Variants in TRIM2 observed in about 807,000 individuals in gnomAD.
TRIM2 encodes the protein tripartite motif containing 2.
A neutral mutation model predicts 75.2 loss-of-function variants in TRIM2; 20 were observed. That is an observed-to-expected ratio of 0.27 (90% CI 0.19 to 0.39). The LOEUF (loss-of-function observed/expected upper bound fraction) is 0.39. Among genes scored for constraint, TRIM2 ranks in the 10% least tolerant of loss-of-function variants. The probability of loss-of-function intolerance (pLI) is 1.00; values close to 1 mark genes in which losing one functional copy is unlikely to be tolerated. For synonymous variants in TRIM2, 373 were observed against 388.3 expected, an observed-to-expected ratio of 0.96 and a Z score of 0.46; for missense variants, 660 against 990.8, an observed-to-expected ratio of 0.67 and a Z score of 4.48.
At chr4:153,167,950 G>T (rs540748129) in intron 1 of TRIM2, among the ~76,000 whole-genome samples, 2 of 152,180 alleles carry the variant, frequency 1.3e-5, no homozygotes, top group African/African-American at 2.4e-5. Flanking sequence ...ACACATAAGT[G>T]TTGGATAACA....
chr4:153,277,560 G>C (rs1758307851), intron 3 of TRIM2, among the ~76,000 whole-genome samples: 1 of 152,210 alleles, frequency 6.6e-6, no homozygotes, highest in Admixed American at 6.5e-5. Context: ...GAACAAATTT[G>C]CCAGACACCG....
intron 1 of TRIM2, among the ~76,000 whole-genome samples, chr4:153,169,077 CAA>C (rs138961034): frequency 6.8e-6 from 1 of 147,924 alleles, no homozygotes. Flanking sequence ...AGACTTATCT[CAA>C]AAAAAAAAGT....
intron 1 of TRIM2, among the ~76,000 whole-genome samples, chr4:153,239,834 CTTTTTTTT>C (rs372940429): frequency 3.4e-5 from 4 of 117,668 alleles, no homozygotes; most frequent in Admixed American, 1.9e-4. Flanking sequence ...CTTTCTTTCT[CTTTTTTTT>C]TTTTTTTTTT....
chr4:153,196,174 C>G (rs987597264), intron 1 of TRIM2, among the ~76,000 whole-genome samples: 1 of 152,140 alleles, frequency 6.6e-6, no homozygotes, highest in African/African-American at 2.4e-5. Context: ...ACCTGTAATC[C>G]CAGCACGTCG....
chr4:153,252,651 A>G (rs1403567413), intron 1 of TRIM2, among the ~76,000 whole-genome samples: 3 of 152,146 alleles, frequency 2.0e-5, no homozygotes, highest in African/African-American at 2.4e-5. Context: ...CTGGGATCAC[A>G]GGCACCTGCC....
At chr4:153,251,357 A>G (rs552276874) in intron 1 of TRIM2, among the ~76,000 whole-genome samples, 36 of 152,348 alleles carry the variant, frequency 2.4e-4, no homozygotes, top group African/African-American at 8.2e-4. Flanking sequence ...TTTGAGGGCC[A>G]CACCTGGAGT....
intron 3 of TRIM2, among the ~76,000 whole-genome samples, chr4:153,286,809 C>T (rs1298533178): frequency 1.4e-5 from 2 of 143,562 alleles, no homozygotes; most frequent in African/African-American, 5.1e-5. Context: ...GTCAGTCTAA[C>T]TAAAGTTTTA....
chr4:153,162,783 A>G (rs1325572955), intron 1 of TRIM2, among the ~76,000 whole-genome samples: 2 of 152,146 alleles, frequency 1.3e-5, no homozygotes, highest in African/African-American at 4.8e-5. Flanking sequence ...TAATAGGAAG[A>G]GCTCTTCTTT....
chr4:153,158,707 T>C (rs924324011), intron 1 of TRIM2, among the ~76,000 whole-genome samples: 2 of 151,990 alleles, frequency 1.3e-5, no homozygotes, highest in Admixed American at 6.6e-5. Flanking sequence ...GGATAGCCTG[T>C]TCTACACCAA....
At chr4:153,316,562 T>C (rs372627339) in intron 8 of TRIM2, among the ~76,000 whole-genome samples, 72 of 152,054 alleles carry the variant, frequency 4.7e-4, no homozygotes, top group African/African-American at 1.5e-3. Flanking sequence ...CATACGTACA[T>C]AATATGGGAC....
intron 1 of TRIM2, chr4:153,257,845 C>T: frequency 2.9e-6 from 1 of 341,636 alleles, no homozygotes; most frequent in Non-Finnish European, 5.8e-6. Context: ...GTTCTTTTTT[C>T]TCCCTTCATC....
chr4:153,296,605 G>A (rs2150148948), intron 6 of TRIM2, among the ~76,000 whole-genome samples: 1 of 152,304 alleles, frequency 6.6e-6, no homozygotes, highest in East Asian at 1.9e-4. Flanking sequence ...GAGGAGGGGT[G>A]GAAACTTGGA....
rs1762524215 is a variant in TRIM2, at chr4:153,295,171, T to A, written c.787-142T>A. 2 of 1,179,862 alleles carry A rather than the reference T, an allele frequency of 1.7e-6. No homozygotes were observed. The highest frequency in any genetic ancestry group is 2.3e-6 in the Non-Finnish European group (2 of 870,734). The allele number at this position is 1,179,862 out of a possible 1,614,324, so 73.1% of individuals were successfully genotyped here. A position where few individuals can be genotyped will look rare whatever the true frequency, so the allele number is the denominator to read the frequency against. On this transcript the variant is annotated intron_variant, in intron 5 of 11. Transcript: ENST00000338700. This position sits in a 1 kb window ranked among gnomAD's most constrained non-coding sequence, Gnocchi z 7.2. ...TTTAGGACTTTGCGTTAGCACTGGG[T>A]TCCCTGGGTTGACAAACACCGCTTG... is the stretch of plus-strand genomic sequence containing the variant.
In TRIM2 at chr4:153,337,618, T is replaced by C. The variant is rs923954122; in HGVS notation, c.*2652T>C. ...TGGTAAGCATATTTTTGGGGGAAAG[T>C]GCTGCTGATATGATACAAGTAGACA... On this transcript the variant is annotated 3_prime_UTR_variant, in exon 12 of 12. Transcript: ENST00000338700. The C allele has an allele frequency of 2.8e-5, 28 of 985,692 alleles. No homozygotes were observed. The African/African-American group carries it at 4.7e-4, about 17-fold the overall frequency. The allele number at this position is 985,692 out of a possible 1,614,324, so 61.1% of individuals were successfully genotyped here.
intron 3 of TRIM2, among the ~76,000 whole-genome samples, chr4:153,282,774 T>C (rs889452038): frequency 6.6e-6 from 1 of 151,172 alleles, no homozygotes; most frequent in African/African-American, 2.4e-5. Flanking sequence ...CTTTTTATAA[T>C]GATGTTTTTT....
intron 1 of TRIM2, among the ~76,000 whole-genome samples, chr4:153,187,120 T>G (rs938955992): frequency 6.6e-6 from 1 of 152,212 alleles, no homozygotes; most frequent in Non-Finnish European, 1.5e-5. Context: ...AATTTCAGAA[T>G]GTTTGGCAAT....
At chr4:153,153,505 G>A (rs1728925564) in intron 1 of TRIM2, among the ~76,000 whole-genome samples, 1 of 152,234 alleles carries the variant, frequency 6.6e-6, no homozygotes, top group African/African-American at 2.4e-5. Flanking sequence ...TGCCAGCGCC[G>A]GGCTTGGAAC....
At chr4:153,220,590 T>TA in intron 1 of TRIM2, among the ~76,000 whole-genome samples, 1 of 152,330 alleles carries the variant, frequency 6.6e-6, no homozygotes, top group Middle Eastern at 3.4e-3. Flanking sequence ...AAGGACAATT[T>TA]AAAATGGGCA....
At chr4:153,163,404 A>C (rs1261376884) in intron 1 of TRIM2, among the ~76,000 whole-genome samples, 3 of 150,210 alleles carry the variant, frequency 2.0e-5, no homozygotes, top group African/African-American at 7.4e-5. Context: ...GGCTGGTCTC[A>C]AACTCCTGGC....
Sources: allele counts gnomAD v4.1 joint callset (sites outside exome capture counted in the v4.1 genomes callset), GRCh38; gene constraint gnomAD v4.1.1; non-coding constraint Gnocchi (gnomAD v3.1); transcripts MANE v1.5; gene names NCBI Gene and HGNC (gene_info 2026-07-23, HGNC 2026-07-21).